The following UBTD2 variants were observed in gnomAD, a reference collection of about 807,000 sequenced individuals.
The protein encoded by UBTD2 is ubiquitin domain-containing protein 2.
In UBTD2, 9 loss-of-function variants were observed where a neutral mutation model predicts 19.8. The ratio of observed to expected loss-of-function variants is 0.46; its 90% CI spans 0.27 to 0.79. The LOEUF (loss-of-function observed/expected upper bound fraction) is 0.79. Among genes scored for constraint, UBTD2 ranks in the 30% least tolerant of loss-of-function variants. The pLI is 0.14. For missense variants in UBTD2, 250 were observed against 300.4 expected (o/e 0.83, Z 1.24); for synonymous variants, 98 against 103.9 (o/e 0.94, Z 0.35).
chr5:172,255,142 G>T (rs1332981257), intron 1 of UBTD2: 2 of 468,204 alleles, frequency 4.3e-6, no homozygotes, highest in Non-Finnish European at 8.3e-6. Flanking sequence ...GCTGGAAGAA[G>T]GCATGCTCAA....
intron 1 of UBTD2, among the ~76,000 whole-genome samples, chr5:172,244,295 G>GTTTGT (rs1214308760): frequency 1.6e-5 from 2 of 126,076 alleles, no homozygotes; most frequent in Non-Finnish European, 3.3e-5. Context: ...TTTCCTCCCA[G>GTTTGT]TTTTTTTTTT....
intron 2 of UBTD2, 130 bp downstream of exon 2, chr5:172,233,991 TA>T (rs1771958264): frequency 2.3e-6 from 2 of 857,118 alleles, no homozygotes; most frequent in Non-Finnish European, 3.7e-6. Flanking sequence ...AGAGGAATGC[TA>T]TTCCTTGCTA....
At chr5:172,252,723 T>C (rs1047303497) in intron 1 of UBTD2, among the ~76,000 whole-genome samples, 9 of 152,190 alleles carry the variant, frequency 5.9e-5, no homozygotes, top group African/African-American at 2.2e-4. Flanking sequence ...CATACTTCAC[T>C]TGAAGTTGTA....
chr5:172,270,761 T>TA (rs1318766045), intron 1 of UBTD2, among the ~76,000 whole-genome samples: 2 of 152,306 alleles, frequency 1.3e-5, no homozygotes, highest in East Asian at 3.9e-4. Context: ...GTCCAACCTG[T>TA]AGCATTAAAA....
chr5:172,223,899 A>T (rs150628987), intron 2 of UBTD2, among the ~76,000 whole-genome samples: 1 of 152,150 alleles, frequency 6.6e-6, no homozygotes, highest in East Asian at 1.9e-4. Flanking sequence ...ACAAGGGATA[A>T]AAAGTTGAGA....
chr5:172,218,995 GAAT>G (rs1292564166), intron 2 of UBTD2, among the ~76,000 whole-genome samples: 1 of 151,786 alleles, frequency 6.6e-6, no homozygotes, highest in Non-Finnish European at 1.5e-5. Flanking sequence ...GATAATAAAA[GAAT>G]ATTATGAACA....
chr5:172,277,040 C>A (rs1299419315), intron 1 of UBTD2, among the ~76,000 whole-genome samples: 2 of 139,772 alleles, frequency 1.4e-5, no homozygotes, highest in Non-Finnish European at 3.0e-5. Flanking sequence ...CTGTACTCCA[C>A]CCTGGGTGAC....
chr5:172,225,437 C>T (rs1272627819), intron 2 of UBTD2, among the ~76,000 whole-genome samples: 1 of 152,076 alleles, frequency 6.6e-6, no homozygotes, highest in Non-Finnish European at 1.5e-5. Context: ...TACTAAATGT[C>T]ATTAGGACTA....
intron 1 of UBTD2, among the ~76,000 whole-genome samples, chr5:172,235,283 C>T (rs1296282993): frequency 2.6e-5 from 4 of 151,962 alleles, no homozygotes. Flanking sequence ...TGAGAAAATC[C>T]AAAGAGGTAA....
chr5:172,217,984 C>T (rs1024502047), intron 2 of UBTD2, among the ~76,000 whole-genome samples: 1 of 152,114 alleles, frequency 6.6e-6, no homozygotes, highest in Non-Finnish European at 1.5e-5. Context: ...TACCATCAAT[C>T]GATTTAATGT....
At chr5:172,263,303 G>A (rs1755309721) in intron 1 of UBTD2, among the ~76,000 whole-genome samples, 1 of 152,182 alleles carries the variant, frequency 6.6e-6, no homozygotes, top group Admixed American at 6.5e-5. Context: ...GTTCAAGTAT[G>A]TCACTAGGTG....
chr5:172,283,639 G>A lies in UBTD2; in HGVS notation c.27C>T (p.His9=). The part of the protein sequence containing the change: MGGCVGAQ[H]DSSGSLNENS... ...TCTCGTTGAGGCTGCCCGAGGAGTC[G>A]TGCTGGGCGCCCACACACCCGCCCA... The change falls in exon 1 of 3, where the codon CAC becomes CAT. Residue 9 remains histidine, a synonymous_variant. Transcript: ENST00000393792. This position sits in a 1 kb window ranked among gnomAD's most constrained non-coding sequence, Gnocchi z 4.3. The A allele has an allele frequency of 7.8e-7, 1 of 1,277,950 alleles. No homozygotes were observed. Among genetic ancestry groups the A allele is most frequent in the Non-Finnish European group, 1.0e-6 (1 of 1,004,442 alleles). 79.2% of individuals were successfully genotyped at this position (1,277,950 alleles called of 1,614,324 possible).
intron 1 of UBTD2, among the ~76,000 whole-genome samples, chr5:172,262,446 C>CAA (rs1191776236): frequency 0.028 from 1,356 of 48,440 alleles, 44 homozygotes; most frequent in African/African-American, 0.085. Flanking sequence ...ACAGATCCAC[C>CAA]AAAAAAAAAA....
In UBTD2 at chr5:172,280,473, G is replaced by C. The variant is rs11958180; in HGVS notation, c.70+3123C>G. 4.4e-3 allele frequency among the ~76,000 whole-genome samples: 616 copies of C among 140,228 alleles called. 2 individuals carry two copies. Among genetic ancestry groups the C allele is most frequent in the African/African-American group, 0.016 (595 of 37,848 alleles). 92.0% of individuals were successfully genotyped at this position (140,228 alleles called of 152,430 possible). ...TGCAGTGAGCAGAGATCGTGCCACTGTACCGCAGCCTGGGCGACAGAGCAA... is the reference window on the plus strand; with the variant it reads ...TGCAGTGAGCAGAGATCGTGCCACTCTACCGCAGCCTGGGCGACAGAGCAA... On this transcript the variant is annotated intron_variant, in intron 1 of 2. Coordinates refer to ENST00000393792, the MANE Select transcript of UBTD2 (RefSeq NM_152277.3).
rs1167342562 is a variant in UBTD2 at position 172,273,090 on chromosome 5, A to AAAAAAT, written c.70+10500_70+10505dup. On this transcript the variant is annotated intron_variant, in intron 1 of 2. Transcript: ENST00000393792. The stretch of plus-strand genomic sequence containing the variant: ...AGCCTCCGTCTCTCCGTCTCAAAAA[A>AAAAAAT]AAAAATAAAAATAAAAATAAAAATC... 9.0e-5 allele frequency among the ~76,000 whole-genome samples: 13 copies of AAAAAAT among 144,146 alleles called. No individual in the cohort carries two copies. The East Asian group carries it at 2.0e-3, about 22-fold the overall frequency. 94.6% of individuals were successfully genotyped at this position (144,146 alleles called of 152,430 possible).
At chr5:172,221,956 G>A (rs1326936361) in intron 2 of UBTD2, among the ~76,000 whole-genome samples, 1 of 152,074 alleles carries the variant, frequency 6.6e-6, no homozygotes. Flanking sequence ...TGGGAGCAGG[G>A]GGTATATGGG....
intron 1 of UBTD2, among the ~76,000 whole-genome samples, chr5:172,272,523 T>C (rs1755512972): frequency 6.6e-6 from 1 of 152,160 alleles, no homozygotes; most frequent in East Asian, 1.9e-4. Context: ...AATCAGCAAA[T>C]TGATCATGTC....
In UBTD2 at chr5:172,211,435, TATA is replaced by T; in HGVS notation, c.*392_*394del. 1 of 157,292 alleles carries T rather than the reference TATA, an allele frequency of 6.4e-6. No homozygotes were observed. The highest frequency in any genetic ancestry group is 1.9e-4 in the East Asian group (1 of 5,362). The allele number at this position is 157,292 out of a possible 1,614,324, so 9.7% of individuals were successfully genotyped here. A position where few individuals can be genotyped will look rare whatever the true frequency, so the allele number is the denominator to read the frequency against. On this transcript the variant is annotated 3_prime_UTR_variant, in exon 3 of 3. Coordinates refer to ENST00000393792, the MANE Select transcript of UBTD2 (RefSeq NM_152277.3). ...CATTATTTATGGTTTCTGGAAATTA[TATA>T]ATTTGATATATTTTTCTAAAAAAAT... is the stretch of plus-strand genomic sequence containing the variant.
At chr5:172,240,046 G>A (rs759429412) in intron 1 of UBTD2, among the ~76,000 whole-genome samples, 1 of 152,188 alleles carries the variant, frequency 6.6e-6, no homozygotes, top group Non-Finnish European at 1.5e-5. Flanking sequence ...AGCATATGCT[G>A]AATTGTTTTT....
Sources: gnomAD v4.1 joint callset for allele counts (sites outside exome capture counted in the v4.1 genomes callset) on GRCh38, gnomAD v4.1.1 for gene constraint, Gnocchi (gnomAD v3.1) non-coding constraint, MANE v1.5 for transcripts, NCBI Gene and HGNC (gene_info 2026-07-23, HGNC 2026-07-21) for gene names.